CDH13: variants seen among roughly 807,000 people sequenced by gnomAD.
The protein encoded by CDH13 is cadherin-13.
CDH13 carries 24 observed loss-of-function variants against 63.8 expected under a neutral mutation model. The ratio of observed to expected loss-of-function variants is 0.38; its 90% CI spans 0.27 to 0.53. The LOEUF (loss-of-function observed/expected upper bound fraction) is 0.53, where lower values mean the gene tolerates loss of function less well. Among genes scored for constraint, CDH13 ranks in the 20% least tolerant of loss-of-function variants. The pLI, the probability that CDH13 is intolerant of heterozygous loss-of-function variation, is 0.85. For synonymous variants in CDH13, 503 were observed against 355.3 expected, an observed-to-expected ratio of 1.42 and a Z score of -4.67; for missense variants, 1,049 against 903.1, an observed-to-expected ratio of 1.16 and a Z score of -2.07.
chr16:83,236,738 G>C (rs746127152), intron 5 of CDH13, among the ~76,000 whole-genome samples: 1 of 152,002 alleles, frequency 6.6e-6, no homozygotes, highest in African/African-American at 2.4e-5. Context: ...ATACATCCTT[G>C]CAATGGAATA....
chr16:82,861,883 G>A (rs967388363), intron 2 of CDH13, among the ~76,000 whole-genome samples: 2 of 152,184 alleles, frequency 1.3e-5, no homozygotes, highest in African/African-American at 2.4e-5. Context: ...AGAGAGTGAT[G>A]CAAAGCTCCC....
chr16:83,215,011 G>A (rs1025346163), intron 4 of CDH13, among the ~76,000 whole-genome samples: 4 of 143,682 alleles, frequency 2.8e-5, no homozygotes, highest in East Asian at 4.5e-4. Flanking sequence ...AAAAGTATCA[G>A]TTGGATTAAT....
chr16:83,705,602 C>A (rs1340250711), intron 10 of CDH13, among the ~76,000 whole-genome samples: 6 of 152,160 alleles, frequency 3.9e-5, no homozygotes, highest in Admixed American at 3.9e-4. Flanking sequence ...AGCGTGGGGG[C>A]CAGAGGGAGA....
At chr16:83,715,034 A>C (rs1265424965) in intron 10 of CDH13, among the ~76,000 whole-genome samples, 2 of 152,182 alleles carry the variant, frequency 1.3e-5, no homozygotes, top group Non-Finnish European at 2.9e-5. Context: ...ATAAAGCAGT[A>C]GCTAGGTTCG....
intron 7 of CDH13, among the ~76,000 whole-genome samples, chr16:83,582,984 G>A (rs192538813): frequency 1.3e-5 from 2 of 152,142 alleles, no homozygotes; most frequent in African/African-American, 4.8e-5. Context: ...AATTTATTCA[G>A]TTTATTGACA....
In CDH13 at chr16:83,148,787, A is replaced by G. The variant is rs1328725859; in HGVS notation, c.483+23286A>G. Among the ~76,000 whole-genome samples, 3 of 152,162 alleles carry G rather than the reference A, an allele frequency of 2.0e-5. No homozygotes were observed. The East Asian group carries it at 5.8e-4, about 29-fold the overall frequency. Reference sequence around the variant, plus strand: ...GAGACAGATTTATCCTTATACTCCTAATATTTATCCTCAAAGACACTATTT... The same window carrying G: ...GAGACAGATTTATCCTTATACTCCTGATATTTATCCTCAAAGACACTATTT... On this transcript the variant is annotated intron_variant, in intron 4 of 13. Coordinates refer to ENST00000567109, the MANE Select transcript of CDH13 (RefSeq NM_001257.5).
chr16:82,998,178 AC>A (rs1343502886), intron 2 of CDH13, among the ~76,000 whole-genome samples: 1 of 152,140 alleles, frequency 6.6e-6, no homozygotes, highest in African/African-American at 2.4e-5. Flanking sequence ...CGTCATACAG[AC>A]CTTCCTAAGA....
At chr16:83,646,878 C>G (rs1345712860) in intron 8 of CDH13, among the ~76,000 whole-genome samples, 1 of 151,886 alleles carries the variant, frequency 6.6e-6, no homozygotes, top group East Asian at 1.9e-4. Flanking sequence ...GAAGGCAACT[C>G]CCCCCTTTCC....
chr16:83,298,673 C>G (rs2089660174), intron 5 of CDH13, among the ~76,000 whole-genome samples: 1 of 152,170 alleles, frequency 6.6e-6, no homozygotes, highest in African/African-American at 2.4e-5. Flanking sequence ...AGCAGTGTCA[C>G]AGAATCACTC....
At chr16:83,298,122 G>A (rs1008206540) in intron 5 of CDH13, among the ~76,000 whole-genome samples, 2 of 151,664 alleles carry the variant, frequency 1.3e-5, no homozygotes, top group Admixed American at 1.3e-4. Context: ...ACGTGCCTGT[G>A]GTTCCAGCTA....
intron 2 of CDH13, among the ~76,000 whole-genome samples, chr16:83,030,740 C>T (rs1225503594): frequency 6.6e-6 from 1 of 150,678 alleles, no homozygotes; most frequent in Non-Finnish European, 1.5e-5. Flanking sequence ...CACACCTGAT[C>T]TTGACTCTCT....
In CDH13 at chr16:83,749,151, A is replaced by G. The variant is rs531739363; in HGVS notation, c.1681+901A>G. On this transcript the variant is annotated intron_variant, in intron 11 of 13. Transcript: ENST00000567109. The stretch of plus-strand genomic sequence containing the variant: ...GTTCTCCCTATTATTCCTAAAAGCC[A>G]GCTGTTTATGGCTAAAGATTCAGTT... Among the ~76,000 whole-genome samples the G allele has an allele frequency of 7.3e-4, 111 of 152,364 alleles. 1 individual carries two copies. The highest frequency in any genetic ancestry group is 6.8e-3 in the Middle Eastern group (2 of 294).
chr16:83,267,474 A>G (rs1035436519), intron 5 of CDH13, among the ~76,000 whole-genome samples: 3 of 152,204 alleles, frequency 2.0e-5, no homozygotes, highest in African/African-American at 7.2e-5. Context: ...TGCCCTCTCC[A>G]AAACTCACGT....
chr16:82,936,878 A>G (rs1453581117), intron 2 of CDH13, among the ~76,000 whole-genome samples: 2 of 151,666 alleles, frequency 1.3e-5, no homozygotes, highest in East Asian at 1.9e-4. Context: ...ATCTTCATGG[A>G]CTCCTCCCAG....
At chr16:83,533,618 CTTTTTT>C (rs11365656) in intron 7 of CDH13, among the ~76,000 whole-genome samples, 1 of 116,104 alleles carries the variant, frequency 8.6e-6, no homozygotes, top group Admixed American at 9.5e-5. Flanking sequence ...TTTACATTAT[CTTTTTT>C]TTTTTTTTTT....
At chr16:82,827,031 C>T (rs2038287882) in intron 1 of CDH13, among the ~76,000 whole-genome samples, 2 of 152,228 alleles carry the variant, frequency 1.3e-5, no homozygotes, top group African/African-American at 2.4e-5. Context: ...TGCTTATCCT[C>T]TGCCTGATGA....
intron 4 of CDH13, among the ~76,000 whole-genome samples, chr16:83,169,462 C>G (rs529393475): frequency 5.3e-5 from 8 of 152,150 alleles, no homozygotes; most frequent in African/African-American, 1.9e-4. Flanking sequence ...GTGTGAGCCA[C>G]CACACCCGGC....
At chr16:82,827,898 A>G (rs936660656) in intron 1 of CDH13, among the ~76,000 whole-genome samples, 7 of 152,114 alleles carry the variant, frequency 4.6e-5, no homozygotes, top group African/African-American at 1.7e-4. Context: ...TGTCACACTA[A>G]TGGAGTTAGA....
intron 4 of CDH13, among the ~76,000 whole-genome samples, chr16:83,193,715 C>G (rs1257888796): frequency 6.6e-6 from 1 of 152,190 alleles, no homozygotes; most frequent in Non-Finnish European, 1.5e-5. Context: ...CCTTTTCTTT[C>G]TTCCTCTGCA....
Sources: gnomAD v4.1 joint callset for allele counts (sites outside exome capture counted in the v4.1 genomes callset) on GRCh38, gnomAD v4.1.1 for gene constraint, MANE v1.5 for transcripts, NCBI Gene and HGNC (gene_info 2026-07-23, HGNC 2026-07-21) for gene names.